Variants in LCP1 observed in about 807,000 individuals in gnomAD.
LCP1 encodes the protein lymphocyte cytosolic protein 1, also known as plastin-2.
LCP1 carries 23 observed loss-of-function variants against 72.0 expected under a neutral mutation model. The ratio of observed to expected loss-of-function variants is 0.32; its 90% confidence interval spans 0.23 to 0.45. LCP1 has a LOEUF of 0.45. LCP1 is among the 20% of genes least tolerant of loss of function. LCP1 has a pLI of 1.00. For missense variants in LCP1, 571 were observed against 748.3 expected, an observed-to-expected ratio of 0.76 and a Z score of 2.76; for synonymous variants, 245 against 275.4, an observed-to-expected ratio of 0.89 and a Z score of 1.09.
chr13:46,142,171 G>T, intron 13 of LCP1, 121 bp downstream of exon 13: 3 of 1,022,442 alleles, frequency 2.9e-6, no homozygotes, highest in South Asian at 3.7e-5. Flanking sequence ...TGTTTCTCTG[G>T]TTATGAAGCT....
chr13:46,151,133 G>A (rs575285674), intron 7 of LCP1, 55 bp from the exon 8 acceptor site: 3 of 1,558,082 alleles, frequency 1.9e-6, no homozygotes, highest in Non-Finnish European at 2.6e-6. Context: ...GGGGGAGGGG[G>A]GTTGGTTATA....
At chr13:46,154,746 T>C in intron 6 of LCP1, 59 bp downstream of exon 6, 1 of 1,421,352 alleles carries the variant, frequency 7.0e-7, no homozygotes. Context: ...GACTCAGCAG[T>C]TATGATGCTC....
At chr13:46,137,467 C>T (rs111491580) in intron 13 of LCP1, among the ~76,000 whole-genome samples, 116 of 152,038 alleles carry the variant, frequency 7.6e-4, no homozygotes, top group Non-Finnish European at 1.4e-3. Context: ...TTGAACCTGG[C>T]GGGTGGAGGT....
chr13:46,143,002 C>G (rs2045707686), intron 12 of LCP1, among the ~76,000 whole-genome samples: 3 of 152,140 alleles, frequency 2.0e-5, no homozygotes, highest in African/African-American at 7.2e-5. Context: ...AATAAAGATC[C>G]TGCTGAGGGA....
intron 5 of LCP1, 56 bp downstream of exon 5, chr13:46,156,382 T>C (rs2045801130): frequency 4.4e-6 from 7 of 1,597,944 alleles, no homozygotes; most frequent in Admixed American, 1.7e-5. Flanking sequence ...CGATTAATTG[T>C]TGATGGTCTA....
chr13:46,132,707 A>C (rs1428620331), intron 14 of LCP1, among the ~76,000 whole-genome samples: 1 of 151,604 alleles, frequency 6.6e-6, no homozygotes, highest in African/African-American at 2.4e-5. Flanking sequence ...ACCAGCATCC[A>C]CTCCTAACTC....
intron 1 of LCP1, among the ~76,000 whole-genome samples, chr13:46,178,966 CA>C (rs1430778791): frequency 3.3e-4 from 50 of 152,246 alleles, no homozygotes; most frequent in African/African-American, 1.1e-3. Context: ...CTTTAGGTAA[CA>C]AGGAGAAGTT....
chr13:46,146,835 A>C, intron 10 of LCP1, 73 bp downstream of exon 10: 2 of 1,413,444 alleles, frequency 1.4e-6, no homozygotes, highest in Non-Finnish European at 2.0e-6. Context: ...TTGCTTAGGA[A>C]GTGAGTTTGA....
chr13:46,129,194 T>C (rs1202551301), intron 15 of LCP1, among the ~76,000 whole-genome samples: 1 of 152,208 alleles, frequency 6.6e-6, no homozygotes, highest in African/African-American at 2.4e-5. Context: ...TTTTGTGTAA[T>C]TTCTTTCACC....
At chr13:46,174,887 A>C (rs1473757736) in intron 1 of LCP1, among the ~76,000 whole-genome samples, 1 of 152,102 alleles carries the variant, frequency 6.6e-6, no homozygotes, top group African/African-American at 2.4e-5. Context: ...ACAAATAATC[A>C]TTCAATAATC....
chr13:46,144,695 C>T (rs2045719680), intron 10 of LCP1, among the ~76,000 whole-genome samples, 175 bp from the exon 11 acceptor site: 1 of 152,076 alleles, frequency 6.6e-6, no homozygotes, highest in Admixed American at 6.5e-5. Flanking sequence ...TTTTCTTTTC[C>T]ATTTCAATTC....
chr13:46,130,952 C>A lies in LCP1; in HGVS notation c.1627-14G>T, dbSNP rs74073789. 4,524 of 1,571,548 alleles carry A rather than the reference C, an allele frequency of 2.9e-3. 86 individuals are homozygous for A. In the African/African-American group the frequency reaches 0.047, roughly 16 times the overall value. ...AATCTTCGGGTCCTATGCAGAGACA[C>A]AGGGAGGGTTTCATCAACGTGTCCC... On this transcript the variant is annotated splice_polypyrimidine_tract_variant and intron_variant, in intron 14 of 15. Coordinates refer to ENST00000323076, the MANE Select transcript of LCP1 (RefSeq NM_002298.5).
intron 1 of LCP1, among the ~76,000 whole-genome samples, chr13:46,163,348 G>A (rs1234641408): frequency 6.6e-6 from 1 of 152,184 alleles, no homozygotes; most frequent in Middle Eastern, 3.2e-3. Context: ...CCAACCCCGT[G>A]CTCTCTGAAA....
Position 46,130,900 on chromosome 13 carries a change from G to C in LCP1, c.1665C>G (p.Leu555=). The C allele has an allele frequency of 3.1e-6, 5 of 1,612,810 alleles. No individual in the cohort carries two copies. Among genetic ancestry groups the C allele is most frequent in the Non-Finnish European group, 4.2e-6 (5 of 1,179,492 alleles). ...KISTSLPVLD[L]IDAIQPGSIN... is the part of the protein sequence containing the mutation. ...TGGAACCTGGTTGGATGGCATCGATGAGGTCCAGAACAGGCAGACTTGTAC... is the reference window on the plus strand; with the variant it reads ...TGGAACCTGGTTGGATGGCATCGATCAGGTCCAGAACAGGCAGACTTGTAC... Residue 555 remains leucine (L), a synonymous_variant, in exon 15 of 16, where the codon CTC becomes CTG. Coordinates refer to ENST00000323076, the MANE Select transcript of LCP1 (RefSeq NM_002298.5).
chr13:46,171,073 A>C (rs2045902370), intron 1 of LCP1, among the ~76,000 whole-genome samples: 1 of 152,256 alleles, frequency 6.6e-6, no homozygotes, highest in Admixed American at 6.5e-5. Context: ...GCTAAAGAAC[A>C]AATGAAAAGA....
At chr13:46,151,137 G>A (rs1249547807) in intron 7 of LCP1, 59 bp from the exon 8 acceptor site, 6 of 1,544,086 alleles carry the variant, frequency 3.9e-6, no homozygotes, top group Non-Finnish European at 5.2e-6. Flanking sequence ...GAGGGGGGTT[G>A]GTTATAACTT....
intron 1 of LCP1, among the ~76,000 whole-genome samples, chr13:46,164,754 C>T (rs951570816): frequency 6.6e-6 from 1 of 152,190 alleles, no homozygotes; most frequent in Non-Finnish European, 1.5e-5. Flanking sequence ...CACAACCTAA[C>T]TTTTGGAGAC....
intron 14 of LCP1, among the ~76,000 whole-genome samples, chr13:46,133,496 T>G (rs560687541): frequency 6.6e-6 from 1 of 151,914 alleles, no homozygotes; most frequent in Non-Finnish European, 1.5e-5. Context: ...CATGGTAGTG[T>G]GCACCTGTAG....
At chr13:46,142,472 T>A (rs756737342) in intron 12 of LCP1, 47 bp from the exon 13 acceptor site, 1 of 1,580,694 alleles carries the variant, frequency 6.3e-7, no homozygotes, top group Admixed American at 1.7e-5. Context: ...ATCTTGATTA[T>A]GATAAATACC....
Sources: allele counts gnomAD v4.1 joint callset (sites outside exome capture counted in the v4.1 genomes callset), GRCh38; gene constraint gnomAD v4.1.1; transcripts MANE v1.5; gene names NCBI Gene and HGNC (gene_info 2026-07-23, HGNC 2026-07-21).